Variants in GRM7 observed in about 807,000 individuals in gnomAD.
GRM7 encodes metabotropic glutamate receptor 7.
Under a neutral mutation model 84.5 loss-of-function variants are expected in GRM7, and 35 were observed. That is an observed-to-expected ratio of 0.41 (90% CI 0.32 to 0.55). The LOEUF (loss-of-function observed/expected upper bound fraction) is 0.55. Ranked by LOEUF, GRM7 falls within the 20% of genes least tolerant of loss-of-function variation. The pLI, the probability that GRM7 is intolerant of heterozygous loss-of-function variation, is 0.19. For synonymous variants in GRM7, 487 were observed against 455.1 expected (o/e 1.07, Z -0.89); for missense variants, 1,003 against 1,194.6 (o/e 0.84, Z 2.36).
At chr3:7,135,290 T>G (rs1241802526) in intron 1 of GRM7, among the ~76,000 whole-genome samples, 2 of 152,178 alleles carry the variant, frequency 1.3e-5, no homozygotes, top group African/African-American at 4.8e-5. Flanking sequence ...CCGAAATGGT[T>G]CTTCAATGAT....
chr3:7,656,539 ACG>A (rs138474954), intron 8 of GRM7, among the ~76,000 whole-genome samples: 229 of 67,660 alleles, frequency 3.4e-3, no homozygotes, highest in Middle Eastern at 0.014. Flanking sequence ...ATATATATAT[ACG>A]CGCGCGCACA....
At chr3:6,999,762 AT>A (rs1694946384) in intron 1 of GRM7, among the ~76,000 whole-genome samples, 1 of 152,114 alleles carries the variant, frequency 6.6e-6, no homozygotes, top group Non-Finnish European at 1.5e-5. Flanking sequence ...ACCAGATCTC[AT>A]GAGAACTCAT....
intron 6 of GRM7, among the ~76,000 whole-genome samples, chr3:7,457,953 T>C (rs1054205688): frequency 3.3e-5 from 5 of 152,198 alleles, no homozygotes; most frequent in Non-Finnish European, 5.9e-5. Context: ...TTACAAAATA[T>C]ATGTTGCCAC....
At position 7,547,347 on chromosome 3, in the gene GRM7, C is replaced by T. The variant is rs926282324; in HGVS notation, c.1516-31075C>T. The stretch of plus-strand genomic sequence containing the variant: ...TCAGCCTCCCAAGTAGCTGGGACTA[C>T]AGGCGCCCGCCGCCACGCCTGGCTA... On this transcript the variant is annotated intron_variant, in intron 7 of 9. Transcript: ENST00000357716. 2.6e-5 allele frequency among the ~76,000 whole-genome samples: 4 copies of T among 151,840 alleles called. No individual in the cohort carries two copies. The East Asian group carries it at 7.8e-4, about 30-fold the overall frequency.
At chr3:7,565,312 A>G (rs1173383393) in intron 7 of GRM7, among the ~76,000 whole-genome samples, 1 of 152,200 alleles carries the variant, frequency 6.6e-6, no homozygotes, top group Non-Finnish European at 1.5e-5. Context: ...GAATTACAAT[A>G]GTGGACAAAG....
chr3:7,038,880 A>G (rs576892523), intron 1 of GRM7, among the ~76,000 whole-genome samples: 3 of 152,216 alleles, frequency 2.0e-5, no homozygotes, highest in East Asian at 1.9e-4. Context: ...TATAATACCC[A>G]TGTACTTAAC....
At chr3:7,454,090 A>ACTCTCTCTCTCTCTCTCT (rs58338960) in intron 6 of GRM7, among the ~76,000 whole-genome samples, 7 of 140,204 alleles carry the variant, frequency 5.0e-5, no homozygotes, top group African/African-American at 1.7e-4. Flanking sequence ...CTACACACAC[A>ACTCTCTCTCTCTCTCTCT]CTCTCTCTCT....
intron 2 of GRM7, among the ~76,000 whole-genome samples, chr3:7,277,818 A>G (rs545603791): frequency 6.6e-6 from 1 of 152,296 alleles, no homozygotes; most frequent in African/African-American, 2.4e-5. Context: ...AGGAAAGTGT[A>G]CTATGTCATG....
chr3:7,010,854 G>T (rs1398679214), intron 1 of GRM7, among the ~76,000 whole-genome samples: 1 of 152,144 alleles, frequency 6.6e-6, no homozygotes, highest in African/African-American at 2.4e-5. Context: ...CCATGGAACT[G>T]CCAGAAAATG....
At chr3:7,613,347 A>G (rs759581006) in intron 8 of GRM7, among the ~76,000 whole-genome samples, 2 of 152,218 alleles carry the variant, frequency 1.3e-5, no homozygotes, top group Non-Finnish European at 2.9e-5. Context: ...TAACGTACAT[A>G]TGTCATGCAT....
At chr3:7,455,628 T>C (rs1697976755) in intron 6 of GRM7, among the ~76,000 whole-genome samples, 1 of 152,158 alleles carries the variant, frequency 6.6e-6, no homozygotes, top group Non-Finnish European at 1.5e-5. Flanking sequence ...ATAAAATCAC[T>C]GGCAAGTACT....
At chr3:7,334,183 G>A (rs560312530) in intron 4 of GRM7, among the ~76,000 whole-genome samples, 1 of 152,128 alleles carries the variant, frequency 6.6e-6, no homozygotes, top group East Asian at 1.9e-4. Flanking sequence ...CAAGATAAAG[G>A]AAAGCATCTT....
At chr3:7,423,398 G>T (rs1363474373) in intron 5 of GRM7, among the ~76,000 whole-genome samples, 1 of 152,188 alleles carries the variant, frequency 6.6e-6, no homozygotes, top group East Asian at 1.9e-4. Context: ...AGTCTGTCAG[G>T]CTTGCCTGTT....
chr3:7,461,767 A>G, intron 7 of GRM7, 45 bp downstream of exon 7: 2 of 1,575,136 alleles, frequency 1.3e-6, no homozygotes, highest in Admixed American at 1.7e-5. Flanking sequence ...AGATGAATGA[A>G]CAGACTTTTA....
chr3:6,909,983 C>T (rs914050940), intron 1 of GRM7, among the ~76,000 whole-genome samples: 1 of 151,956 alleles, frequency 6.6e-6, no homozygotes, highest in East Asian at 1.9e-4. Context: ...ACTGATCCTC[C>T]ATATATAAAA....
chr3:7,058,187 G>A (rs1303022453), intron 1 of GRM7, among the ~76,000 whole-genome samples: 1 of 151,790 alleles, frequency 6.6e-6, no homozygotes, highest in East Asian at 1.9e-4. Context: ...GCTACCTATA[G>A]TTCTAGGAAA....
chr3:7,369,862 C>T (rs1548146), intron 4 of GRM7, among the ~76,000 whole-genome samples: 94,048 of 152,048 alleles, frequency 0.62, 29,711 homozygotes, highest in African/African-American at 0.76. Context: ...AAATAAGATT[C>T]TTTTGAATAG....
At chr3:7,243,501 T>C (rs951587004) in intron 2 of GRM7, among the ~76,000 whole-genome samples, 4 of 151,560 alleles carry the variant, frequency 2.6e-5, no homozygotes. Flanking sequence ...AATGAGAGAG[T>C]TTTTATAAAA....
intron 1 of GRM7, among the ~76,000 whole-genome samples, chr3:7,089,059 C>G (rs1358203167): frequency 6.6e-6 from 1 of 152,032 alleles, no homozygotes; most frequent in Non-Finnish European, 1.5e-5. Flanking sequence ...TGGACACTTC[C>G]CATTACTTTT....
Sources: allele counts gnomAD v4.1 joint callset (sites outside exome capture counted in the v4.1 genomes callset), GRCh38; gene constraint gnomAD v4.1.1; transcripts MANE v1.5; gene names NCBI Gene and HGNC (gene_info 2026-07-23, HGNC 2026-07-21).